The following MYH16 variants were observed in gnomAD, a reference collection of about 807,000 sequenced individuals.
The protein encoded by MYH16 is myosin heavy chain 16.
At chr7:99,247,319 T>G (rs1791744821) in intron 2 of MYH16, among the ~76,000 whole-genome samples, 1 of 152,196 alleles carries the variant, frequency 6.6e-6, no homozygotes, top group African/African-American at 2.4e-5. Flanking sequence ...ATTATAGGCG[T>G]GCACCACCAC....
intron 18 of MYH16, among the ~76,000 whole-genome samples, chr7:99,268,821 G>A (rs575944710): frequency 3.9e-5 from 6 of 152,298 alleles, no homozygotes; most frequent in South Asian, 4.1e-4. Context: ...CTAGCTCCTC[G>A]GGGGTCCTTT....
intron 3 of MYH16, among the ~76,000 whole-genome samples, chr7:99,248,112 TC>T (rs1425558310): frequency 3.3e-5 from 5 of 152,216 alleles, no homozygotes; most frequent in African/African-American, 1.2e-4. Flanking sequence ...GTGATTTTTT[TC>T]TTTATTTTGA....
intron 22 of MYH16, among the ~76,000 whole-genome samples, 157 bp downstream of exon 4, chr7:99,279,894 C>T (rs1175274927): frequency 6.6e-6 from 1 of 151,898 alleles, no homozygotes; most frequent in Non-Finnish European, 1.5e-5. Flanking sequence ...GCGACAGAGT[C>T]TCGCTCTCGC....
At chr7:99,291,901 C>G (rs1429307037) in intron 31 of MYH16, among the ~76,000 whole-genome samples, 2 of 152,072 alleles carry the variant, frequency 1.3e-5, no homozygotes, top group Admixed American at 6.5e-5. Flanking sequence ...CGAGATCGCA[C>G]CATTGCACTC....
chr7:99,266,223 C>G (rs1320923853), intron 17 of MYH16, among the ~76,000 whole-genome samples: 2 of 152,206 alleles, frequency 1.3e-5, no homozygotes, highest in Non-Finnish European at 2.9e-5. Flanking sequence ...CTCCAGTTGC[C>G]TGTTGCACTA....
intron 21 of MYH16, among the ~76,000 whole-genome samples, chr7:99,278,060 G>A (rs542302673): frequency 4.6e-5 from 7 of 152,150 alleles, no homozygotes; most frequent in South Asian, 2.1e-4. Flanking sequence ...CTGGACACAG[G>A]TGATCCTCCC....
Position 99,284,943 on chromosome 7 carries a change from C to T in MYH16, n.3316+8C>T, listed in dbSNP as rs1368029696. The T allele has an allele frequency of 2.2e-6, 1 of 456,524 alleles. No homozygotes were observed. The highest frequency in any genetic ancestry group is 6.9e-5 in the East Asian group (1 of 14,406). 28.3% of individuals were successfully genotyped at this position (456,524 alleles called of 1,614,324 possible). The stretch of plus-strand genomic sequence containing the variant: ...AAACTGAAGGAGCACCAGGTATGTC[C>T]AGGACCGAGAAGCATGAGCTCTCTG... On this transcript the variant is annotated splice_region_variant and intron_variant and non_coding_transcript_variant, in intron 26 of 41. Coordinates refer to ENST00000439784, the Ensembl canonical transcript of MYH16.
chr7:99,248,757 T>C (rs955656221), intron 3 of MYH16, among the ~76,000 whole-genome samples: 3 of 152,164 alleles, frequency 2.0e-5, no homozygotes, highest in African/African-American at 7.2e-5. Flanking sequence ...TCTGGGCTGG[T>C]AGAAAGAGTG....
intron 2 of MYH16, among the ~76,000 whole-genome samples, chr7:99,247,091 T>C (rs1235070693): frequency 6.6e-6 from 1 of 152,090 alleles, no homozygotes; most frequent in Non-Finnish European, 1.5e-5. Context: ...AAAACAAATA[T>C]ATATTAAAGA....
At chr7:99,268,152 C>T (rs1792005832) in intron 18 of MYH16, among the ~76,000 whole-genome samples, 1 of 152,208 alleles carries the variant, frequency 6.6e-6, no homozygotes, top group South Asian at 2.1e-4. Context: ...AATTGTAACA[C>T]TGCCCTAGAA....
At position 99,280,070 on chromosome 7, in the gene MYH16, G is replaced by A. The variant is rs928440649; in HGVS notation, n.2887+333G>A. ...GTATTTTTAGTAGAGATGGGGTTTC[G>A]CCATGTTGGCCAGACTGGTCTTGAA... On this transcript the variant is annotated intron_variant and non_coding_transcript_variant, in intron 22 of 41. Coordinates refer to ENST00000439784, the Ensembl canonical transcript of MYH16. Among the ~76,000 whole-genome samples, 8 of 152,198 alleles carry A rather than the reference G, an allele frequency of 5.3e-5. No homozygotes were observed. The South Asian group carries it at 1.7e-3, about 32-fold the overall frequency.
At chr7:99,254,672 A>T (rs549022493) in intron 8 of MYH16, among the ~76,000 whole-genome samples, 11 of 152,362 alleles carry the variant, frequency 7.2e-5, no homozygotes, top group Non-Finnish European at 7.3e-5. Flanking sequence ...CTGCCCAGAC[A>T]TAAAGTGGGA....
chr7:99,277,087 GTGAGAGA>G (rs1792124829), intron 20 of MYH16, among the ~76,000 whole-genome samples: 1 of 151,932 alleles, frequency 6.6e-6, no homozygotes, highest in Non-Finnish European at 1.5e-5. Context: ...CAGTGGGCGA[GTGAGAGA>G]GACAGCAAAA....
downstream of MYH16, among the ~76,000 whole-genome samples, chr7:99,308,743 G>A (rs1368192482): frequency 6.6e-6 from 1 of 152,180 alleles, no homozygotes; most frequent in Non-Finnish European, 1.5e-5. Context: ...CAGATACATG[G>A]AGCCAGGGTG....
intron 37 of MYH16, among the ~76,000 whole-genome samples, chr7:99,300,240 G>A (rs965074571): frequency 4.6e-5 from 7 of 151,844 alleles, no homozygotes; most frequent in African/African-American, 1.7e-4. Context: ...GATTACAGGC[G>A]TGAGCCACCA....
chr7:99,296,728 A>G (rs189409594), exon 34 of MYH16: 72 of 456,160 alleles, frequency 1.6e-4, no homozygotes, highest in Non-Finnish European at 3.0e-4. Context: ...TGCCCTGGAC[A>G]AGAAGCAGAG....
At chr7:99,263,167 G>C (rs542276996) in intron 13 of MYH16, among the ~76,000 whole-genome samples, 25 of 152,302 alleles carry the variant, frequency 1.6e-4, no homozygotes, top group African/African-American at 6.0e-4. Context: ...GGCATCCCAG[G>C]ACACCAGGAG....
At chr7:99,262,294 G>A (rs1231970912) in intron 13 of MYH16, among the ~76,000 whole-genome samples, 2 of 152,186 alleles carry the variant, frequency 1.3e-5, no homozygotes, top group Non-Finnish European at 2.9e-5. Context: ...CCATGAAACA[G>A]CAGCCTTAAG....
chr7:99,308,952 G>C (rs1484445412), downstream of MYH16, among the ~76,000 whole-genome samples: 1 of 152,124 alleles, frequency 6.6e-6, no homozygotes, highest in African/African-American at 2.4e-5. Context: ...AAATGAGCGT[G>C]GTGGTGGCTA....
Sources: allele counts gnomAD v4.1 joint callset (sites outside exome capture counted in the v4.1 genomes callset), GRCh38; gene constraint gnomAD v4.1.1; transcripts MANE v1.5; gene names NCBI Gene and HGNC (gene_info 2026-07-23, HGNC 2026-07-21).